Variants in SLC7A11 observed in about 807,000 individuals in gnomAD.
SLC7A11 encodes solute carrier family 7 member 11, also known as cystine/glutamate transporter.
SLC7A11 carries 35 observed loss-of-function variants against 54.5 expected under a neutral mutation model. That is an observed-to-expected ratio of 0.64 (90% CI 0.49 to 0.85). SLC7A11 has a LOEUF of 0.85. SLC7A11 is among the 40% of genes least tolerant of loss of function. The pLI, the probability that SLC7A11 is intolerant of heterozygous loss-of-function variation, is 0.00. For synonymous variants in SLC7A11, 230 were observed against 225.2 expected (o/e 1.02, Z -0.19); for missense variants, 583 against 618.1 (o/e 0.94, Z 0.60).
chr4:138,229,682 A>G (rs1469253802), intron 3 of SLC7A11, among the ~76,000 whole-genome samples: 1 of 152,226 alleles, frequency 6.6e-6, no homozygotes, highest in Non-Finnish European at 1.5e-5. Flanking sequence ...TTTAATCCTC[A>G]GAGATACGAA....
chr4:138,234,346 G>C (rs553382316), intron 2 of SLC7A11, among the ~76,000 whole-genome samples: 1 of 152,242 alleles, frequency 6.6e-6, no homozygotes, highest in African/African-American at 2.4e-5. Flanking sequence ...TTAATGGGAA[G>C]TACTTAGGAA....
At chr4:138,176,174 T>C (rs1167643438) in intron 11 of SLC7A11, 2 of 152,196 alleles carry the variant, frequency 1.3e-5, no homozygotes, top group African/African-American at 4.8e-5. Context: ...ATGAATTTTC[T>C]TTATTTTACT....
intron 6 of SLC7A11, among the ~76,000 whole-genome samples, chr4:138,191,992 T>G (rs1429166890): frequency 6.6e-6 from 1 of 152,208 alleles, no homozygotes; most frequent in African/African-American, 2.4e-5. Context: ...ACACTGATGT[T>G]CAATTCTTGT....
At position 138,171,844 on chromosome 4, in the gene SLC7A11, T is replaced by A. The variant is rs1323397171; in HGVS notation, c.*112A>T. ...AAATATATGAATAAAAATAACTGACTCCTTTTGTTTATCACCAAAGTTGTA... is the reference window on the plus strand; with the variant it reads ...AAATATATGAATAAAAATAACTGACACCTTTTGTTTATCACCAAAGTTGTA... On this transcript the variant is annotated 3_prime_UTR_variant, in exon 12 of 12. Transcript: ENST00000280612. 1.5e-6 allele frequency: 2 copies of A among 1,322,740 alleles called. No individual in the cohort carries two copies. Among genetic ancestry groups the A allele is most frequent in the Non-Finnish European group, 2.0e-6 (2 of 978,092 alleles). 81.9% of individuals were successfully genotyped at this position (1,322,740 alleles called of 1,614,324 possible).
chr4:138,200,966 T>C (rs2148427632), intron 6 of SLC7A11, among the ~76,000 whole-genome samples: 1 of 152,208 alleles, frequency 6.6e-6, no homozygotes, highest in South Asian at 2.1e-4. Flanking sequence ...AGAACGGCCA[T>C]GACCATAGAC....
intron 3 of SLC7A11, among the ~76,000 whole-genome samples, chr4:138,231,507 C>T (rs550621766): frequency 2.6e-5 from 4 of 151,934 alleles, no homozygotes; most frequent in Admixed American, 6.6e-5. Flanking sequence ...AGCTAAAACT[C>T]GGTTAAATGT....
rs1306275341 is a variant in SLC7A11 at position 138,185,295 on chromosome 4, C to G, written c.792-51G>C. Reference sequence around the variant, plus strand: ...TTCATTATCTTTTGTTAGCCATTCTCTGATACCGAAGAAAATAACAGGCTA... The same window carrying G: ...TTCATTATCTTTTGTTAGCCATTCTGTGATACCGAAGAAAATAACAGGCTA... On this transcript the variant is annotated intron_variant, in intron 6 of 11. Transcript: ENST00000280612. The G allele has an allele frequency of 2.5e-6, 4 of 1,592,318 alleles. No homozygotes were observed. In the African/African-American group the frequency reaches 5.4e-5, roughly 21 times the overall value.
intron 1 of SLC7A11, 82 bp downstream of exon 1, chr4:138,241,711 C>T: frequency 8.3e-7 from 1 of 1,206,282 alleles, no homozygotes; most frequent in South Asian, 1.3e-5. Context: ...ATTCACTCCT[C>T]AAAAACTACC....
At position 138,180,782 on chromosome 4, in the gene SLC7A11, C is replaced by A. The variant is rs138007034; in HGVS notation, c.1125G>T (p.Leu375Phe). 6.2e-7 allele frequency: 1 copy of A among 1,612,128 alleles called. No individual in the cohort carries two copies. The highest frequency in any genetic ancestry group is 8.5e-7 in the Non-Finnish European group (1 of 1,179,050). Residue 375 changes from leucine (L) to phenylalanine (F), a missense_variant, in exon 10 of 12, where the codon TTG (leucine) becomes TTT (phenylalanine). Transcript: ENST00000280612. Reference protein sequence around the residue: ...PLPAVIVLHPLTMIMLFSGDL... With the variant: ...PLPAVIVLHPFTMIMLFSGDL... ...CTCCAGAGAAGAGCATTATCATTGTCAAAGGGTGCTGAGGGGGGAAAGGGA... is the reference window on the plus strand; with the variant it reads ...CTCCAGAGAAGAGCATTATCATTGTAAAAGGGTGCTGAGGGGGGAAAGGGA...
intron 4 of SLC7A11, among the ~76,000 whole-genome samples, chr4:138,222,312 T>C (rs1476165800): frequency 6.6e-6 from 1 of 152,248 alleles, no homozygotes; most frequent in Non-Finnish European, 1.5e-5. Flanking sequence ...TCCTTTTGCC[T>C]TGTGTAATTC....
intron 10 of SLC7A11, 84 bp from the exon 11 acceptor site, chr4:138,179,478 A>T: frequency 1.7e-6 from 2 of 1,206,482 alleles, no homozygotes; most frequent in Non-Finnish European, 2.4e-6. Context: ...CAGTCATGAC[A>T]TATACTTTAG....
intron 3 of SLC7A11, 69 bp from the exon 4 acceptor site, chr4:138,223,393 T>C (rs564035860): frequency 6.5e-7 from 1 of 1,539,344 alleles, no homozygotes; most frequent in East Asian, 2.3e-5. Flanking sequence ...AGGTCCTTGT[T>C]ACTCAAAGGG....
In SLC7A11 at chr4:138,167,279, G is replaced by A. The variant is rs1302307866; in HGVS notation, c.*4677C>T. ...TGATTCTCCTGCCTCAGCCTCCCGA[G>A]TAGCTGGGATTACAGGCGCCTGCCA... On this transcript the variant is annotated 3_prime_UTR_variant, in exon 12 of 12. Coordinates refer to ENST00000280612, the MANE Select transcript of SLC7A11 (RefSeq NM_014331.4). 1 of 149,736 alleles carries A rather than the reference G, an allele frequency of 6.7e-6. No homozygotes were observed. Among genetic ancestry groups the A allele is most frequent in the Non-Finnish European group, 1.5e-5 (1 of 67,720 alleles). The allele number at this position is 149,736 out of a possible 1,614,324, so 9.3% of individuals were successfully genotyped here.
chr4:138,227,909 T>A (rs1469768829), intron 3 of SLC7A11, among the ~76,000 whole-genome samples: 1 of 152,232 alleles, frequency 6.6e-6, no homozygotes, highest in Non-Finnish European at 1.5e-5. Flanking sequence ...TACCTAAGAA[T>A]TGGTTGTGTT....
intron 6 of SLC7A11, among the ~76,000 whole-genome samples, chr4:138,200,351 A>G (rs540039721): frequency 6.6e-6 from 1 of 152,314 alleles, no homozygotes; most frequent in South Asian, 2.1e-4. Context: ...AATGACCTTC[A>G]GTAAACGACC....
chr4:138,214,698 A>G (rs2148439319), intron 5 of SLC7A11, 69 bp from the exon 6 acceptor site: 1 of 527,424 alleles, frequency 1.9e-6, no homozygotes, highest in Non-Finnish European at 3.1e-6. Flanking sequence ...CAAATTTTAA[A>G]TATTTAACAT....
In SLC7A11 at chr4:138,167,364, C is replaced by A. The variant is rs1294193397; in HGVS notation, c.*4592G>T. 6.6e-6 allele frequency: 1 copy of A among 151,598 alleles called. No homozygotes were observed. Among genetic ancestry groups the A allele is most frequent in the Non-Finnish European group, 1.5e-5 (1 of 67,936 alleles). 9.4% of individuals were successfully genotyped at this position (151,598 alleles called of 1,614,324 possible). The stretch of plus-strand genomic sequence containing the variant: ...ACAGGGTTTCACCATGTTGGCCAGG[C>A]TGATCTCGAACTCCTGACCTCAGGT... On this transcript the variant is annotated 3_prime_UTR_variant, in exon 12 of 12. Transcript: ENST00000280612.
In SLC7A11 at chr4:138,237,724, TATATATATATATA is replaced by T. The variant is rs1348073918; in HGVS notation, c.278-1286_278-1274del. 3.0e-3 allele frequency among the ~76,000 whole-genome samples: 31 copies of T among 10,388 alleles called. 2 individuals are homozygous for T. The highest frequency in any genetic ancestry group is 3.7e-3 in the African/African-American group (11 of 2,944). The allele number at this position is 10,388 out of a possible 152,430, so 6.8% of individuals were successfully genotyped here. The stretch of plus-strand genomic sequence containing the variant: ...GAATATATATATATATATATATATA[TATATATATATATA>T]TTTTTTTTTTTTTTTTTTTTTTTTT... On this transcript the variant is annotated intron_variant, in intron 1 of 11. Transcript: ENST00000280612.
In SLC7A11 at chr4:138,236,436, G is replaced by C; in HGVS notation, c.293C>G (p.Ala98Gly). ...TTTCTTTATAGTTGTTCCCAATTCA[G>C]CATAAGACAAAGCTCCTGTGAAATA... is the stretch of plus-strand genomic sequence containing the variant. Reference protein sequence around the residue: ...VLSLFGALSYAELGTTIKKSG... With the variant: ...VLSLFGALSYGELGTTIKKSG... Residue 98 changes from alanine to glycine, a missense_variant, in exon 2 of 12, where the codon GCT becomes GGT. Coordinates refer to ENST00000280612, the MANE Select transcript of SLC7A11 (RefSeq NM_014331.4). 2 of 1,605,900 alleles carry C rather than the reference G, an allele frequency of 1.2e-6. No homozygotes were observed. The highest frequency in any genetic ancestry group is 1.7e-6 in the Non-Finnish European group (2 of 1,177,498).
Sources: gnomAD v4.1 joint callset for allele counts (sites outside exome capture counted in the v4.1 genomes callset) on GRCh38, gnomAD v4.1.1 for gene constraint, MANE v1.5 for transcripts, NCBI Gene and HGNC (gene_info 2026-07-23, HGNC 2026-07-21) for gene names.